The following CTNNA3 variants were observed in gnomAD, a reference collection of about 807,000 sequenced individuals.
The protein encoded by CTNNA3 is catenin alpha 3.
A neutral mutation model predicts 95.7 loss-of-function variants in CTNNA3; 76 were observed. That is an observed-to-expected ratio of 0.79 (90% CI 0.66 to 0.96). The LOEUF is 0.96. Among genes scored for constraint, CTNNA3 ranks in the 40% least tolerant of loss-of-function variants. CTNNA3 has a pLI of 0.00. For missense variants in CTNNA3, 1,191 were observed against 1,089.8 expected, an observed-to-expected ratio of 1.09 and a Z score of -1.31; for synonymous variants, 431 against 374.4, an observed-to-expected ratio of 1.15 and a Z score of -1.74.
intron 12 of CTNNA3, among the ~76,000 whole-genome samples, chr10:66,336,598 A>G (rs1445411689): frequency 1.3e-5 from 2 of 152,066 alleles, no homozygotes; most frequent in Non-Finnish European, 2.9e-5. Context: ...TTCACACAAT[A>G]TTTTTTGTAA....
At chr10:67,709,047 G>C (rs897784462) in intron 1 of CTNNA3, among the ~76,000 whole-genome samples, 1 of 151,748 alleles carries the variant, frequency 6.6e-6, no homozygotes, top group East Asian at 1.9e-4. Context: ...AGGCATACTT[G>C]CACTGGAAAA....
chr10:65,979,299 T>C (rs2133296456), intron 16 of CTNNA3, among the ~76,000 whole-genome samples: 1 of 152,278 alleles, frequency 6.6e-6, no homozygotes, highest in South Asian at 2.1e-4. Context: ...AGATGTAAAG[T>C]TATGACTCAA....
chr10:67,676,754 C>A (rs1840542008), intron 1 of CTNNA3, among the ~76,000 whole-genome samples: 1 of 152,126 alleles, frequency 6.6e-6, no homozygotes, highest in Non-Finnish European at 1.5e-5. Context: ...TGAGAGGCCA[C>A]AATGATTTAA....
chr10:66,880,658 G>A (rs1415145651), intron 7 of CTNNA3, among the ~76,000 whole-genome samples: 1 of 152,074 alleles, frequency 6.6e-6, no homozygotes, highest in Non-Finnish European at 1.5e-5. Context: ...GAGAATACCT[G>A]CTAGGCAATG....
At position 67,265,918 on chromosome 10, in the gene CTNNA3, C is replaced by T. The variant is rs183304606; in HGVS notation, c.580-46048G>A. On this transcript the variant is annotated intron_variant, in intron 5 of 17. Transcript: ENST00000433211. ...AGCAAAGTGCTAGGTCCTAACACCC[C>T]GGAGATTCCAAAATGAAACAGATCA... Among the ~76,000 whole-genome samples, 39 of 152,180 alleles carry T rather than the reference C, an allele frequency of 2.6e-4. 1 individual carries two copies. Among genetic ancestry groups the T allele is most frequent in the African/African-American group, 9.2e-4 (38 of 41,520 alleles).
intron 7 of CTNNA3, among the ~76,000 whole-genome samples, chr10:67,156,067 C>A (rs1861298249): frequency 6.6e-6 from 1 of 151,948 alleles, no homozygotes; most frequent in East Asian, 1.9e-4. Context: ...CTGGGTTATC[C>A]AATTTGTTAG....
intron 2 of CTNNA3, among the ~76,000 whole-genome samples, chr10:67,608,577 T>C (rs1359170879): frequency 6.6e-6 from 1 of 152,134 alleles, no homozygotes; most frequent in East Asian, 1.9e-4. Flanking sequence ...GATTTAATCA[T>C]TTTACAATGT....
intron 12 of CTNNA3, among the ~76,000 whole-genome samples, chr10:66,316,000 A>G (rs1230089202): frequency 2.0e-5 from 3 of 152,112 alleles, no homozygotes; most frequent in Non-Finnish European, 2.9e-5. Context: ...AACACAACCA[A>G]TTTTAACGAA....
chr10:66,369,178 G>T (rs2092734431), intron 12 of CTNNA3, among the ~76,000 whole-genome samples: 1 of 152,118 alleles, frequency 6.6e-6, no homozygotes, highest in Non-Finnish European at 1.5e-5. Context: ...TTATTAAGCA[G>T]TAATACTTTC....
intron 12 of CTNNA3, among the ~76,000 whole-genome samples, chr10:66,282,541 G>A (rs1370222756): frequency 1.3e-5 from 2 of 151,570 alleles, no homozygotes; most frequent in Admixed American, 6.6e-5. Context: ...TACCTACTAA[G>A]TGCCATCTGC....
Position 66,280,706 on chromosome 10 carries a change from T to C in CTNNA3, c.1733-85A>G, listed in dbSNP as rs2091477769. The C allele has an allele frequency of 6.7e-6, 7 of 1,049,158 alleles. No individual in the cohort carries two copies. The South Asian group carries it at 8.8e-5, about 13-fold the overall frequency. The allele number at this position is 1,049,158 out of a possible 1,614,324, so 65.0% of individuals were successfully genotyped here. A position where few individuals can be genotyped will look rare whatever the true frequency, so the allele number is the denominator to read the frequency against. ...AGTTTCCAGGAAATGTAGAATTTGG[T>C]TTTAAACAAATATTTGATTAATAGA... On this transcript the variant is annotated intron_variant, in intron 12 of 17. Coordinates refer to ENST00000433211, the MANE Select transcript of CTNNA3 (RefSeq NM_013266.4).
intron 10 of CTNNA3, among the ~76,000 whole-genome samples, chr10:66,526,211 G>A (rs554061303): frequency 2.0e-5 from 3 of 152,010 alleles, no homozygotes; most frequent in African/African-American, 7.2e-5. Context: ...TTTAAAAAGG[G>A]GTCTCACTCT....
chr10:66,950,388 A>G (rs1177639106), intron 7 of CTNNA3, among the ~76,000 whole-genome samples: 1 of 152,092 alleles, frequency 6.6e-6, no homozygotes, highest in Admixed American at 6.6e-5. Flanking sequence ...AACATGCTTA[A>G]GGCAGGTTTT....
At chr10:66,099,300 G>C (rs915726954) in intron 14 of CTNNA3, among the ~76,000 whole-genome samples, 7 of 152,164 alleles carry the variant, frequency 4.6e-5, no homozygotes, top group African/African-American at 1.7e-4. Context: ...CTCAAAGTGA[G>C]AGTGTGTGTG....
intron 1 of CTNNA3, among the ~76,000 whole-genome samples, chr10:67,647,728 G>C (rs970879811): frequency 6.6e-6 from 1 of 151,662 alleles, no homozygotes; most frequent in African/African-American, 2.4e-5. Flanking sequence ...CTGGGCTTAG[G>C]TCCTGTAACA....
At chr10:66,146,364 C>T (rs554414411) in intron 13 of CTNNA3, among the ~76,000 whole-genome samples, 54 of 152,272 alleles carry the variant, frequency 3.5e-4, no homozygotes, top group African/African-American at 1.3e-3. Flanking sequence ...ATCTGGTTTA[C>T]ACTGAGTAAT....
intron 1 of CTNNA3, among the ~76,000 whole-genome samples, chr10:67,706,915 CA>C (rs1056222188): frequency 6.6e-6 from 1 of 152,128 alleles, no homozygotes; most frequent in Non-Finnish European, 1.5e-5. Context: ...TGATATGTCC[CA>C]AAAAGGAGCT....
chr10:66,996,142 T>C (rs1851322842), intron 7 of CTNNA3, among the ~76,000 whole-genome samples: 1 of 152,184 alleles, frequency 6.6e-6, no homozygotes, highest in African/African-American at 2.4e-5. Flanking sequence ...AGCTACTTCA[T>C]TGCACAAGTA....
rs377527812 is a variant in CTNNA3, at chr10:66,337,612, AG to A, written c.1732+41539del. Among the ~76,000 whole-genome samples the A allele has an allele frequency of 4.5e-4, 69 of 152,204 alleles. 1 individual carries two copies. In the South Asian group the frequency reaches 0.014, roughly 31 times the overall value. The stretch of plus-strand genomic sequence containing the variant: ...CATTACCCTGGCTCAGTCTCAAAAA[AG>A]ATTTAAAAACTTGTTGCATGAGCAC... On this transcript the variant is annotated intron_variant, in intron 12 of 17. Coordinates refer to ENST00000433211, the MANE Select transcript of CTNNA3 (RefSeq NM_013266.4).
Sources: gnomAD v4.1 joint callset for allele counts (sites outside exome capture counted in the v4.1 genomes callset) on GRCh38, gnomAD v4.1.1 for gene constraint, MANE v1.5 for transcripts, NCBI Gene and HGNC (gene_info 2026-07-23, HGNC 2026-07-21) for gene names.